Variants in TTBK1 observed in about 807,000 individuals in gnomAD.
TTBK1 encodes tau-tubulin kinase 1.
A neutral mutation model predicts 108.5 loss-of-function variants in TTBK1; 34 were observed. The observed-to-expected ratio is 0.31, with a 90% confidence interval of 0.24 to 0.42. TTBK1 has a LOEUF of 0.42. Ranked by LOEUF, TTBK1 falls within the 10% of genes least tolerant of loss-of-function variation. The pLI is 1.00. For missense variants in TTBK1, 1,539 were observed against 1,826.0 expected, an observed-to-expected ratio of 0.84 and a Z score of 2.86; for synonymous variants, 809 against 795.1, an observed-to-expected ratio of 1.02 and a Z score of -0.29.
In TTBK1 at chr6:43,284,092, C is replaced by T. The variant is rs1410106767; in HGVS notation, c.3352C>T (p.Arg1118Cys). The change falls in exon 14 of 15, where the codon CGC becomes TGC. Residue 1118 changes from arginine (R) to cysteine (C), a missense_variant. By Grantham distance (180) the Arg-to-Cys change is radical. Transcript: ENST00000259750. ...CTCGTCCTCCTCCAGTGAGGAGCAG[C>T]GCCGTGCCTCTGAGACCCTCTCAGG... Reference protein sequence around the residue: ...GASSSSSEEQRRASETLSGTG... With the variant: ...GASSSSSEEQCRASETLSGTG... 5 of 1,540,012 alleles carry T rather than the reference C, an allele frequency of 3.2e-6. No individual in the cohort carries two copies. The highest frequency in any genetic ancestry group is 2.4e-5 in the East Asian group (1 of 40,852).
At position 43,255,871 on chromosome 6, in the gene TTBK1, C is replaced by T. The variant is rs1395876662; in HGVS notation, c.861+15C>T. The stretch of plus-strand genomic sequence containing the variant: ...CCGACTACCAGGTGGGAGCCTGCTA[C>T]CCTGCCCCCGCTCCCTCGACACCAC... On this transcript the variant is annotated intron_variant, in intron 9 of 14. Coordinates refer to ENST00000259750, the MANE Select transcript of TTBK1 (RefSeq NM_032538.3). 17 of 1,613,912 alleles carry T rather than the reference C, an allele frequency of 1.1e-5. No homozygotes were observed. The highest frequency in any genetic ancestry group is 1.4e-5 in the Non-Finnish European group (17 of 1,179,968).
chr6:43,282,709 T>C lies in TTBK1; in HGVS notation c.1987-18T>C, dbSNP rs1360046721. 2 of 1,576,342 alleles carry C rather than the reference T, an allele frequency of 1.3e-6. No homozygotes were observed. The highest frequency in any genetic ancestry group is 1.7e-6 in the Non-Finnish European group (2 of 1,161,686). On this transcript the variant is annotated intron_variant, in intron 13 of 14. Transcript: ENST00000259750. The surrounding 1 kb of genome is among the most constrained non-coding windows in gnomAD (Gnocchi z 5.4). ...AGGGTGGGTGACCTCAGAGGGTCCC[T>C]GTGTATGCCCCTTGCAGGTGTTCTC...
At chr6:43,267,358 T>C (rs982925110) in intron 13 of TTBK1, among the ~76,000 whole-genome samples, 2 of 152,126 alleles carry the variant, frequency 1.3e-5, no homozygotes, top group African/African-American at 4.8e-5. Flanking sequence ...TTTTTGGGAC[T>C]CTCCACCCAC....
chr6:43,262,941 C>A lies in TTBK1; in HGVS notation c.1577C>A (p.Ala526Asp), dbSNP rs753350913. The A allele has an allele frequency of 3.1e-6, 5 of 1,614,050 alleles. No homozygotes were observed. The highest frequency in any genetic ancestry group is 3.4e-6 in the Non-Finnish European group (4 of 1,179,930). The stretch of plus-strand genomic sequence containing the variant: ...GTGGAGCAGGAGGCCCTGAGCAACG[C>A]CTTCCGCTCGGTGCCGCTGGCTGAG... ...ASVEQEALSN[A>D]FRSVPLAEEE... The change falls in exon 13 of 15, where the codon GCC (alanine) becomes GAC (aspartate). Residue 526 changes from alanine to aspartate, a missense_variant. Coordinates refer to ENST00000259750, the MANE Select transcript of TTBK1 (RefSeq NM_032538.3).
intron 13 of TTBK1, chr6:43,271,544 C>T: frequency 1.0e-6 from 1 of 985,364 alleles, no homozygotes; most frequent in Non-Finnish European, 1.2e-6. Flanking sequence ...CTCCCTGTAA[C>T]CTCTGCTTGG....
chr6:43,259,725 G>T lies in TTBK1; in HGVS notation c.1424+19G>T, dbSNP rs748725362. 1 of 1,549,338 alleles carries T rather than the reference G, an allele frequency of 6.5e-7. No individual in the cohort carries two copies. Among genetic ancestry groups the T allele is most frequent in the Non-Finnish European group, 8.7e-7 (1 of 1,149,138 alleles). ...AGAGGAGGTGGGTCTGGGGCCAGGGGCATGGTTGGGGCCCAAGGCCCTCTC... is the reference window on the plus strand; with the variant it reads ...AGAGGAGGTGGGTCTGGGGCCAGGGTCATGGTTGGGGCCCAAGGCCCTCTC... On this transcript the variant is annotated intron_variant, in intron 12 of 14. Coordinates refer to ENST00000259750, the MANE Select transcript of TTBK1 (RefSeq NM_032538.3). The surrounding 1 kb of genome is among the most constrained non-coding windows in gnomAD (Gnocchi z 6.7).
At position 43,273,765 on chromosome 6, in the gene TTBK1, T is replaced by G. The variant is rs997138432; in HGVS notation, c.1987-8962T>G. On this transcript the variant is annotated intron_variant, in intron 13 of 14. Transcript: ENST00000259750. This position sits in a 1 kb window ranked among gnomAD's most constrained non-coding sequence, Gnocchi z 4.2. Reference sequence around the variant, plus strand: ...ATTTTTATTTGAAATCTCCCAATTTTTAATTGTTGGCATCTAATTTTAAAA... The same window carrying G: ...ATTTTTATTTGAAATCTCCCAATTTGTAATTGTTGGCATCTAATTTTAAAA... Among the ~76,000 whole-genome samples, 4 of 152,216 alleles carry G rather than the reference T, an allele frequency of 2.6e-5. No individual in the cohort carries two copies. The highest frequency in any genetic ancestry group is 5.9e-5 in the Non-Finnish European group (4 of 68,036).
intron 13 of TTBK1, chr6:43,270,315 T>C: frequency 9.3e-7 from 1 of 1,071,908 alleles, no homozygotes; most frequent in Admixed American, 5.1e-5. Context: ...CCAGAGGCAC[T>C]CTGGTATGGG....
At position 43,285,315 on chromosome 6, in the gene TTBK1, C is replaced by T. The variant is rs1012148394; in HGVS notation, c.3905C>T (p.Ala1302Val). The change falls in exon 15 of 15, where the codon GCT (alanine) becomes GTT (valine). Residue 1302 changes from alanine (A) to valine (V), a missense_variant. Ala to Val is a moderately conservative substitution (Grantham distance 64). Coordinates refer to ENST00000259750, the MANE Select transcript of TTBK1 (RefSeq NM_032538.3). This position sits in a 1 kb window ranked among gnomAD's most constrained non-coding sequence, Gnocchi z 4.7. ...AAAGGACCCAGAGGGAAACTCCAGG[C>T]TCAGCGCGCAACAACCAAAGGCCGG... The part of the protein sequence containing the change: ...SKKGPRGKLQ[A>V]QRATTKGRAG... 5 of 1,294,790 alleles carry T rather than the reference C, an allele frequency of 3.9e-6. No homozygotes were observed. The highest frequency in any genetic ancestry group is 8.4e-5 in the Admixed American group (2 of 23,940). The allele number at this position is 1,294,790 out of a possible 1,614,324, so 80.2% of individuals were successfully genotyped here.
Position 43,285,561 on chromosome 6 carries a change from C to T in TTBK1, c.*185C>T. On this transcript the variant is annotated 3_prime_UTR_variant, in exon 15 of 15. Transcript: ENST00000259750. The surrounding 1 kb of genome is among the most constrained non-coding windows in gnomAD (Gnocchi z 4.7). Reference sequence around the variant, plus strand: ...GCGGCGCCCCGCCAGGCCTTAGGGCCCGTGGGGGACGCGGCCCCGCGCCGC... The same window carrying T: ...GCGGCGCCCCGCCAGGCCTTAGGGCTCGTGGGGGACGCGGCCCCGCGCCGC... The T allele has an allele frequency of 2.8e-6, 2 of 708,132 alleles. No homozygotes were observed. Among genetic ancestry groups the T allele is most frequent in the Non-Finnish European group, 1.9e-6 (1 of 519,888 alleles). The allele number at this position is 708,132 out of a possible 1,614,324, so 43.9% of individuals were successfully genotyped here.
At chr6:43,246,844 G>C in intron 2 of TTBK1, 76 bp downstream of exon 2, 3 of 1,204,606 alleles carry the variant, frequency 2.5e-6, no homozygotes, top group Non-Finnish European at 3.5e-6. Context: ...GTTAAAACCG[G>C]TGCCCTCCGC....
chr6:43,255,584 C>G lies in TTBK1; in HGVS notation c.675C>G (p.Leu225=), dbSNP rs1777361216. Residue 225 remains leucine, a synonymous_variant, in exon 8 of 15, where the codon CTC becomes CTG. Coordinates refer to ENST00000259750, the MANE Select transcript of TTBK1 (RefSeq NM_032538.3). ...EMGRHDDLWS[L]FYMLVEFAVG... ...GCCGCCACGACGACCTGTGGTCCCT[C>G]TTCTACATGCTGGTGGAGTTTGCAG... is the stretch of plus-strand genomic sequence containing the variant. 1 of 1,613,426 alleles carries G rather than the reference C, an allele frequency of 6.2e-7. No individual in the cohort carries two copies. Among genetic ancestry groups the G allele is most frequent in the Non-Finnish European group, 8.5e-7 (1 of 1,179,680 alleles).
rs562127099 is a variant in TTBK1 at position 43,273,573 on chromosome 6, C to T, written c.1987-9154C>T. Among the ~76,000 whole-genome samples the T allele has an allele frequency of 4.0e-5, 6 of 151,304 alleles. No homozygotes were observed. The highest frequency in any genetic ancestry group is 8.8e-5 in the Non-Finnish European group (6 of 68,002). ...AGGTCCTAGGGGTCAGACTCACAGA[C>T]GGGGAAGACACTGGCATCTGTGAAC... is the stretch of plus-strand genomic sequence containing the variant. On this transcript the variant is annotated intron_variant, in intron 13 of 14. Coordinates refer to ENST00000259750, the MANE Select transcript of TTBK1 (RefSeq NM_032538.3). The surrounding 1 kb of genome is among the most constrained non-coding windows in gnomAD (Gnocchi z 4.2).
chr6:43,263,699 GTGAGGT>G lies in TTBK1; in HGVS notation c.1986+350_1986+355del, dbSNP rs1777607048. ...ATGGCACACTGCAGCAGACAAGGCT[GTGAGGT>G]CAGCCCTGGGCCCTGCCACGGAGGG... On this transcript the variant is annotated intron_variant, in intron 13 of 14. Transcript: ENST00000259750. The surrounding 1 kb of genome is among the most constrained non-coding windows in gnomAD (Gnocchi z 4.7). 6.6e-6 allele frequency among the ~76,000 whole-genome samples: 1 copy of G among 152,196 alleles called. No homozygotes were observed. The highest frequency in any genetic ancestry group is 1.5e-5 in the Non-Finnish European group (1 of 68,030).
In TTBK1 at chr6:43,259,346, T is replaced by C; in HGVS notation, c.1248+77T>C. ...TTCCCAGCCTTGTGCCCCTGCCCTGTTCCTCCTAAGCACCCTGTCCCCGGC... is the reference window on the plus strand; with the variant it reads ...TTCCCAGCCTTGTGCCCCTGCCCTGCTCCTCCTAAGCACCCTGTCCCCGGC... On this transcript the variant is annotated intron_variant, in intron 11 of 14. Coordinates refer to ENST00000259750, the MANE Select transcript of TTBK1 (RefSeq NM_032538.3). This position sits in a 1 kb window ranked among gnomAD's most constrained non-coding sequence, Gnocchi z 6.7. The C allele has an allele frequency of 7.3e-7, 1 of 1,367,174 alleles. No individual in the cohort carries two copies. The allele number at this position is 1,367,174 out of a possible 1,614,324, so 84.7% of individuals were successfully genotyped here. A position where few individuals can be genotyped will look rare whatever the true frequency, so the allele number is the denominator to read the frequency against.
chr6:43,251,397 C>G (rs1000288195), intron 2 of TTBK1, among the ~76,000 whole-genome samples: 3 of 152,222 alleles, frequency 2.0e-5, no homozygotes, highest in Non-Finnish European at 4.4e-5. Context: ...TGAGGCAGCT[C>G]CCCGAGGGGG....
rs773154253 is a variant in TTBK1, at chr6:43,283,014, G to A, written c.2274G>A (p.Glu758=). 5 of 1,595,130 alleles carry A rather than the reference G, an allele frequency of 3.1e-6. No homozygotes were observed. The highest frequency in any genetic ancestry group is 1.7e-4 in the Middle Eastern group (1 of 5,938). The change falls in exon 14 of 15, where the codon GAG becomes GAA. Residue 758 remains glutamate (E), a synonymous_variant. Coordinates refer to ENST00000259750, the MANE Select transcript of TTBK1 (RefSeq NM_032538.3). This position sits in a 1 kb window ranked among gnomAD's most constrained non-coding sequence, Gnocchi z 8.1. ...DEEEEEEEEE[E]EEEEEEEEEE... ...AAGAAGAAGAGGAGGAAGAGGAAGA[G>A]GAGGAGGAAGAAGAGGAGGAGGAGG...
intron 13 of TTBK1, among the ~76,000 whole-genome samples, chr6:43,267,826 C>A (rs72867597): frequency 2.0e-5 from 3 of 152,310 alleles, no homozygotes; most frequent in Admixed American, 6.5e-5. Flanking sequence ...GCTGAGTACA[C>A]AGACACTGCC....
intron 12 of TTBK1, among the ~76,000 whole-genome samples, chr6:43,261,627 C>T (rs987277330): frequency 2.0e-5 from 3 of 151,934 alleles, no homozygotes; most frequent in African/African-American, 7.3e-5. Flanking sequence ...CCAGCCTGGC[C>T]AACATGGTGA....
Sources: allele counts gnomAD v4.1 joint callset (sites outside exome capture counted in the v4.1 genomes callset), GRCh38; gene constraint gnomAD v4.1.1; non-coding constraint Gnocchi (gnomAD v3.1); transcripts MANE v1.5; gene names NCBI Gene and HGNC (gene_info 2026-07-23, HGNC 2026-07-21).